Variants in GPC5 observed in about 807,000 individuals in gnomAD.
The protein encoded by GPC5 is glypican 5.
GPC5 carries 47 observed loss-of-function variants against 53.9 expected under a neutral mutation model. That is an observed-to-expected ratio of 0.87 (90% confidence interval 0.69 to 1.11). GPC5 has a LOEUF of 1.11. Ranked by LOEUF, GPC5 falls within the 50% of genes most tolerant of loss-of-function variation. The probability of loss-of-function intolerance (pLI) is 0.00; values close to 1 mark genes in which losing one functional copy is unlikely to be tolerated. For synonymous variants in GPC5, 286 were observed against 263.3 expected (o/e 1.09, Z -0.84); for missense variants, 748 against 713.1 (o/e 1.05, Z -0.56).
At chr13:91,888,694 A>G (rs879922215) in intron 5 of GPC5, among the ~76,000 whole-genome samples, 5 of 152,116 alleles carry the variant, frequency 3.3e-5, no homozygotes, top group Non-Finnish European at 7.4e-5. Context: ...TAGAGTTTCT[A>G]AAGGAAGGCT....
At chr13:91,740,958 A>C (rs966598651) in intron 4 of GPC5, among the ~76,000 whole-genome samples, 3 of 152,176 alleles carry the variant, frequency 2.0e-5, no homozygotes, top group Non-Finnish European at 4.4e-5. Flanking sequence ...CCAGGACAAT[A>C]AATTAAGATG....
chr13:91,448,721 A>G (rs747616494), intron 1 of GPC5, 40 bp from the exon 2 acceptor site: 3 of 1,595,688 alleles, frequency 1.9e-6, no homozygotes, highest in Non-Finnish European at 2.6e-6. Context: ...TACTTGTTAA[A>G]TGAACAGGTA....
intron 2 of GPC5, among the ~76,000 whole-genome samples, chr13:91,496,879 A>G (rs1358265086): frequency 6.6e-6 from 1 of 152,170 alleles, no homozygotes; most frequent in African/African-American, 2.4e-5. Context: ...AAAGTATCTC[A>G]TGTACCCCAT....
chr13:92,239,672 AC>A (rs1344355117), intron 7 of GPC5, among the ~76,000 whole-genome samples: 1 of 152,036 alleles, frequency 6.6e-6, no homozygotes, highest in Non-Finnish European at 1.5e-5. Flanking sequence ...TTATATATAA[AC>A]ATCTCAGAAA....
chr13:92,737,651 G>C (rs1026701896), intron 7 of GPC5, among the ~76,000 whole-genome samples: 1 of 150,998 alleles, frequency 6.6e-6, no homozygotes, highest in Non-Finnish European at 1.5e-5. Flanking sequence ...TGCATCCAGA[G>C]TATCAGTAAT....
intron 7 of GPC5, among the ~76,000 whole-genome samples, chr13:92,473,752 A>G (rs1450180214): frequency 2.0e-5 from 3 of 152,128 alleles, no homozygotes; most frequent in East Asian, 3.9e-4. Flanking sequence ...GTGTCATCAT[A>G]ATACAATAAA....
At chr13:91,493,487 C>T (rs1362700560) in intron 2 of GPC5, among the ~76,000 whole-genome samples, 1 of 152,102 alleles carries the variant, frequency 6.6e-6, no homozygotes, top group Non-Finnish European at 1.5e-5. Flanking sequence ...CTCCATTTCT[C>T]CCCTACTCCC....
intron 5 of GPC5, among the ~76,000 whole-genome samples, chr13:91,839,591 T>A (rs1454787567): frequency 2.7e-4 from 41 of 152,092 alleles, no homozygotes. Flanking sequence ...CAGAAAGAGT[T>A]TCCTGACTAT....
chr13:91,651,637 G>T (rs771045915), intron 2 of GPC5, among the ~76,000 whole-genome samples: 2 of 150,792 alleles, frequency 1.3e-5, no homozygotes, highest in Non-Finnish European at 2.9e-5. Context: ...AGAATTGCTT[G>T]AACCCGGGAG....
chr13:91,681,653 AT>A (rs1420614109), intron 2 of GPC5, among the ~76,000 whole-genome samples: 17 of 151,818 alleles, frequency 1.1e-4, no homozygotes, highest in Non-Finnish European at 2.1e-4. Flanking sequence ...AACAATATTT[AT>A]TTTTTTCTCC....
At chr13:91,688,574 T>C (rs1250069254) in intron 2 of GPC5, among the ~76,000 whole-genome samples, 1 of 152,192 alleles carries the variant, frequency 6.6e-6, no homozygotes, top group East Asian at 1.9e-4. Context: ...ATCAAATCTA[T>C]TTTGTGTTCA....
chr13:92,822,514 G>T (rs968057115), intron 7 of GPC5, among the ~76,000 whole-genome samples: 1 of 152,040 alleles, frequency 6.6e-6, no homozygotes, highest in Non-Finnish European at 1.5e-5. Context: ...TAAATGACCA[G>T]GATACATGTG....
intron 7 of GPC5, among the ~76,000 whole-genome samples, chr13:92,612,102 CAGTTGGAATT>C (rs1884457570): frequency 6.6e-6 from 1 of 152,112 alleles, no homozygotes; most frequent in Middle Eastern, 3.4e-3. Context: ...AATATTACTG[CAGTTGGAATT>C]AGGTCTTTTC....
intron 7 of GPC5, among the ~76,000 whole-genome samples, chr13:92,600,669 T>TA (rs1884020566): frequency 6.8e-6 from 1 of 146,038 alleles, no homozygotes; most frequent in African/African-American, 2.7e-5. Flanking sequence ...AGCTATTTTT[T>TA]TTTTTTTTTG....
At chr13:91,497,052 T>C (rs1040029582) in intron 2 of GPC5, among the ~76,000 whole-genome samples, 1 of 152,190 alleles carries the variant, frequency 6.6e-6, no homozygotes, top group African/African-American at 2.4e-5. Context: ...ATTAATATGC[T>C]TTTTTCCTGT....
chr13:92,735,537 G>C (rs1888912878), intron 7 of GPC5, among the ~76,000 whole-genome samples: 1 of 152,064 alleles, frequency 6.6e-6, no homozygotes, highest in East Asian at 1.9e-4. Flanking sequence ...GAGTTGATGA[G>C]AACTGCATAT....
At chr13:92,514,338 T>G (rs1175110918) in intron 7 of GPC5, among the ~76,000 whole-genome samples, 1 of 152,102 alleles carries the variant, frequency 6.6e-6, no homozygotes, top group Non-Finnish European at 1.5e-5. Flanking sequence ...GCAAAATTAC[T>G]TGGTGTGCTG....
chr13:92,701,124 A>ATTAAACATGTGTCTAATTTATT (rs1887723307), intron 7 of GPC5, among the ~76,000 whole-genome samples: 1 of 152,176 alleles, frequency 6.6e-6, no homozygotes, highest in Non-Finnish European at 1.5e-5. Flanking sequence ...TGGAATGATG[A>ATTAAACATGTGTCTAATTTATT]TTAAACATGT....
chr13:91,433,857 C>T (rs987574424), intron 1 of GPC5, among the ~76,000 whole-genome samples: 2 of 152,028 alleles, frequency 1.3e-5, no homozygotes, highest in Non-Finnish European at 2.9e-5. Flanking sequence ...TCCTCTCCAG[C>T]ACCTGTTGTT....
Sources: gnomAD v4.1 joint callset for allele counts (sites outside exome capture counted in the v4.1 genomes callset) on GRCh38, gnomAD v4.1.1 for gene constraint, MANE v1.5 for transcripts, NCBI Gene and HGNC (gene_info 2026-07-23, HGNC 2026-07-21) for gene names.